TENM2: variants seen among roughly 807,000 people sequenced by gnomAD.
TENM2 encodes the protein teneurin transmembrane protein 2.
In TENM2, 52 loss-of-function variants were observed where a neutral mutation model predicts 245.2. That is an observed-to-expected ratio of 0.21 (90% CI 0.17 to 0.27). The LOEUF (loss-of-function observed/expected upper bound fraction) is 0.27. Among genes scored for constraint, TENM2 ranks in the 10% least tolerant of loss-of-function variants. TENM2 has a pLI of 1.00. For missense variants in TENM2, 3,046 were observed against 3,666.8 expected (o/e 0.83, Z 4.37); for synonymous variants, 1,363 against 1,438.9 (o/e 0.95, Z 1.19).
chr5:167,374,147 T>C (rs1400929068), intron 1 of TENM2, among the ~76,000 whole-genome samples: 1 of 152,238 alleles, frequency 6.6e-6, no homozygotes, highest in Non-Finnish European at 1.5e-5. Flanking sequence ...ACCTCATTTC[T>C]GCCAATGATG....
At chr5:167,148,374 T>C in the TENM2 span, among the ~76,000 whole-genome samples, 1 of 152,208 alleles carries the variant, frequency 6.6e-6, no homozygotes, top group Non-Finnish European at 1.5e-5. Context: ...TTTTGAAATA[T>C]TAGATAACTT....
intron 2 of TENM2, 96 bp from the exon 5 acceptor site, chr5:167,875,890 T>TA (rs1201018312): frequency 1.4e-6 from 1 of 708,112 alleles, no homozygotes; most frequent in Non-Finnish European, 2.3e-6. Context: ...TTTTTTTTTT[T>TA]AATATTTATA....
intron 3 of TENM2, among the ~76,000 whole-genome samples, chr5:167,884,200 T>C (rs993997350): frequency 3.9e-5 from 6 of 152,212 alleles, no homozygotes; most frequent in African/African-American, 1.4e-4. Flanking sequence ...AATGATTGGG[T>C]TTGAGAGTAC....
chr5:167,038,691 A>G, the TENM2 span, among the ~76,000 whole-genome samples: 1 of 152,208 alleles, frequency 6.6e-6, no homozygotes, highest in African/African-American at 2.4e-5. Flanking sequence ...GCAGTGGCCA[A>G]GACTAGTTTC....
At chr5:167,025,829 T>C in the TENM2 span, among the ~76,000 whole-genome samples, 1 of 152,198 alleles carries the variant, frequency 6.6e-6, no homozygotes, top group Non-Finnish European at 1.5e-5. Context: ...CCTAGTATAG[T>C]GCCTGGTGTA....
chr5:167,078,613 C>T, the TENM2 span, among the ~76,000 whole-genome samples: 131 of 152,142 alleles, frequency 8.6e-4, no homozygotes, highest in Non-Finnish European at 1.7e-3. Flanking sequence ...TCCCAACAGT[C>T]ATGTTCCTTA....
intron 2 of TENM2, among the ~76,000 whole-genome samples, chr5:167,865,739 G>T (rs1391363751): frequency 6.6e-6 from 1 of 152,174 alleles, no homozygotes; most frequent in African/African-American, 2.4e-5. Flanking sequence ...ACCAAGTGAA[G>T]TAGTGGCTTA....
Position 167,365,646 on chromosome 5 carries a change from A to C in TENM2, c.227-9552A>C, listed in dbSNP as rs543753700. 2.4e-4 allele frequency among the ~76,000 whole-genome samples: 36 copies of C among 152,134 alleles called. No homozygotes were observed. In the South Asian group the frequency reaches 5.4e-3, roughly 23 times the overall value. The stretch of plus-strand genomic sequence containing the variant: ...ACAAATTCCCTGTAAAACACAATTA[A>C]TATTAGAAAGCATATATTACCTCAG... On this transcript the variant is annotated intron_variant, in intron 1 of 28. Transcript: ENST00000518659.
At chr5:168,137,227 C>A (rs937228882) in intron 12 of TENM2, among the ~76,000 whole-genome samples, 1 of 152,234 alleles carries the variant, frequency 6.6e-6, no homozygotes, top group African/African-American at 2.4e-5. Flanking sequence ...GCCACCACAG[C>A]ACCTGGTCAA....
intron 15 of TENM2, among the ~76,000 whole-genome samples, chr5:168,198,092 T>C (rs1232569243): frequency 5.3e-5 from 8 of 152,024 alleles, no homozygotes; most frequent in Non-Finnish European, 8.8e-5. Context: ...TTGCTGGCCA[T>C]GTGGCTTCTC....
chr5:167,450,476 C>T (rs1178549264), intron 2 of TENM2, among the ~76,000 whole-genome samples: 1 of 152,124 alleles, frequency 6.6e-6, no homozygotes, highest in African/African-American at 2.4e-5. Context: ...TCACTTGCAC[C>T]AAGAACTGTA....
At chr5:167,224,941 G>A in the TENM2 span, among the ~76,000 whole-genome samples, 1 of 151,806 alleles carries the variant, frequency 6.6e-6, no homozygotes, top group Non-Finnish European at 1.5e-5. Context: ...TTATTCCTAA[G>A]TATTTTATTA....
chr5:168,210,247 T>C (rs1304989423), intron 19 of TENM2, among the ~76,000 whole-genome samples: 1 of 152,086 alleles, frequency 6.6e-6, no homozygotes, highest in East Asian at 1.9e-4. Context: ...CGTATGATCA[T>C]TCAGGCTCTA....
intron 2 of TENM2, among the ~76,000 whole-genome samples, chr5:167,552,473 G>A (rs1313635633): frequency 6.6e-6 from 1 of 151,994 alleles, no homozygotes; most frequent in Non-Finnish European, 1.5e-5. Context: ...TTTAGTCAAG[G>A]CTGAATGCCA....
At chr5:167,142,699 C>T in the TENM2 span, among the ~76,000 whole-genome samples, 1 of 152,194 alleles carries the variant, frequency 6.6e-6, no homozygotes, top group African/African-American at 2.4e-5. Flanking sequence ...TACAGGCACG[C>T]ACCACTATGC....
intron 2 of TENM2, among the ~76,000 whole-genome samples, chr5:167,715,222 A>AC (rs59421684): frequency 0.054 from 8,207 of 152,240 alleles, 743 homozygotes; most frequent in African/African-American, 0.19. Context: ...AGCTGTGTTG[A>AC]CATGATAGGC....
chr5:167,956,142 C>T (rs1448021712), intron 4 of TENM2, among the ~76,000 whole-genome samples: 2 of 152,036 alleles, frequency 1.3e-5, no homozygotes, highest in Non-Finnish European at 2.9e-5. Flanking sequence ...CCTCTCATTT[C>T]GTTGAGCAGT....
intron 6 of TENM2, among the ~76,000 whole-genome samples, chr5:168,050,724 C>A: frequency 6.6e-6 from 1 of 152,222 alleles, no homozygotes; most frequent in South Asian, 2.1e-4. Context: ...ATAGACAGGG[C>A]AGCCTACACA....
chr5:168,201,468 G>A (rs548627844), intron 17 of TENM2, among the ~76,000 whole-genome samples: 26 of 151,914 alleles, frequency 1.7e-4, no homozygotes, highest in African/African-American at 6.3e-4. Context: ...TCATGATGAG[G>A]CCTGTTTTTC....
Sources: gnomAD v4.1 joint callset for allele counts (sites outside exome capture counted in the v4.1 genomes callset) on GRCh38, gnomAD v4.1.1 for gene constraint, MANE v1.5 for transcripts, NCBI Gene and HGNC (gene_info 2026-07-23, HGNC 2026-07-21) for gene names.